HCRTR2: variants seen among roughly 807,000 people sequenced by gnomAD.
HCRTR2 encodes the protein orexin receptor type 2.
Under a neutral mutation model 49.0 loss-of-function variants are expected in HCRTR2, and 22 were observed. That is an observed-to-expected ratio of 0.45 (90% CI 0.32 to 0.64). The LOEUF (loss-of-function observed/expected upper bound fraction) is 0.64, where lower values mean the gene tolerates loss of function less well. Ranked by LOEUF, HCRTR2 falls within the 30% of genes least tolerant of loss-of-function variation. HCRTR2 has a pLI of 0.04. For missense variants in HCRTR2, 491 were observed against 559.4 expected, an observed-to-expected ratio of 0.88 and a Z score of 1.23; for synonymous variants, 236 against 205.3, an observed-to-expected ratio of 1.15 and a Z score of -1.28.
Position 55,139,754 on chromosome 6 carries a change from A to G in HCRTR2, c.-378+33209A>G, listed in dbSNP as rs900886578. ...TTGATTTGATTTTCAGTTAAAAAAA[A>G]CCCTGTTTTCTCTAGATTGGTCAAA... On this transcript the variant is annotated intron_variant, in intron 1 of 7. Coordinates refer to the HCRTR2 transcript ENST00000615358. Among the ~76,000 whole-genome samples, 4 of 152,134 alleles carry G rather than the reference A, an allele frequency of 2.6e-5. No homozygotes were observed. The East Asian group carries it at 7.7e-4, about 29-fold the overall frequency.
chr6:55,189,929 T>C (rs1175359967), intron 1 of HCRTR2, among the ~76,000 whole-genome samples: 1 of 151,918 alleles, frequency 6.6e-6, no homozygotes, highest in Admixed American at 6.6e-5. Flanking sequence ...ATACGTGGAG[T>C]TTGAATTGCT....
chr6:55,151,684 T>C (rs185218734), intron 1 of HCRTR2, among the ~76,000 whole-genome samples: 1 of 152,018 alleles, frequency 6.6e-6, no homozygotes, highest in Admixed American at 6.6e-5. Context: ...ATGTTCTTAA[T>C]GGCACCTAGA....
Position 55,282,354 on chromosome 6 carries a change from G to A in HCRTR2, c.1235G>A (p.Ser412Asn), listed in dbSNP as rs1311161993. Reference protein sequence around the residue: ...ESRKSLTTQISNFDNISKLSE... With the variant: ...ESRKSLTTQINNFDNISKLSE... ...CGGAAGTCCTTGACCACTCAAATCA[G>A]CAACTTTGATAACATATCAAAACTT... Residue 412 changes from serine to asparagine, a missense_variant, in exon 7 of 7, where the codon AGC (serine) becomes AAC (asparagine). Physicochemically the swap from Ser to Asn is conservative, Grantham distance 46. Transcript: ENST00000370862. 2 of 1,613,564 alleles carry A rather than the reference G, an allele frequency of 1.2e-6. No individual in the cohort carries two copies. Among genetic ancestry groups the A allele is most frequent in the Admixed American group, 1.7e-5 (1 of 59,916 alleles).
At chr6:55,265,987 G>C (rs1428949357) in intron 4 of HCRTR2, among the ~76,000 whole-genome samples, 1 of 151,938 alleles carries the variant, frequency 6.6e-6, no homozygotes, top group African/African-American at 2.4e-5. Flanking sequence ...ACTAGAGACA[G>C]AAACTAAAAA....
intron 1 of HCRTR2, among the ~76,000 whole-genome samples, chr6:55,113,299 A>G (rs1764075205): frequency 6.6e-6 from 1 of 152,124 alleles, no homozygotes; most frequent in African/African-American, 2.4e-5. Flanking sequence ...TAAACTAAAA[A>G]GCTATTACAC....
rs76263656 is a variant in HCRTR2 at position 55,139,682 on chromosome 6, C to G, written c.-378+33137C>G. Among the ~76,000 whole-genome samples the G allele has an allele frequency of 1.9e-4, 29 of 152,216 alleles. No individual in the cohort carries two copies. In the East Asian group the frequency reaches 3.9e-3, roughly 20 times the overall value. On this transcript the variant is annotated intron_variant, in intron 1 of 7. Transcript: ENST00000615358. ...ACCGGGTAAACCATAAACTTCAAAG[C>G]ATGATGCTTTATAAATGTTGGGCAT...
intron 6 of HCRTR2, 88 bp from the exon 7 acceptor site, chr6:55,282,137 C>A: frequency 2.1e-6 from 2 of 931,406 alleles, no homozygotes; most frequent in Non-Finnish European, 3.4e-6. Context: ...TAGTTTGGCT[C>A]AAGGGAGCAA....
chr6:55,115,045 C>G (rs1764097024), intron 1 of HCRTR2, among the ~76,000 whole-genome samples: 3 of 151,904 alleles, frequency 2.0e-5, no homozygotes, highest in Non-Finnish European at 4.4e-5. Context: ...TGACAGAGAA[C>G]AGAGCTGTGG....
chr6:55,188,088 G>T (rs1357639180), intron 1 of HCRTR2, among the ~76,000 whole-genome samples: 1 of 151,994 alleles, frequency 6.6e-6, no homozygotes, highest in Non-Finnish European at 1.5e-5. Flanking sequence ...GGCCATAAAT[G>T]CAGTCTTGTG....
chr6:55,141,353 A>AAAAAAG (rs1192265684), intron 1 of HCRTR2, among the ~76,000 whole-genome samples: 10 of 152,074 alleles, frequency 6.6e-5, no homozygotes, highest in African/African-American at 1.7e-4. Flanking sequence ...CAAAAGAAGA[A>AAAAAAG]AAAAAGAAAA....
intron 1 of HCRTR2, among the ~76,000 whole-genome samples, chr6:55,128,923 T>A (rs992481951): frequency 6.6e-6 from 1 of 152,148 alleles, no homozygotes; most frequent in Non-Finnish European, 1.5e-5. Context: ...AAGTATTCCA[T>A]GCACCATGCT....
chr6:55,135,157 T>C (rs188045186), intron 1 of HCRTR2, among the ~76,000 whole-genome samples: 3 of 152,072 alleles, frequency 2.0e-5, no homozygotes, highest in African/African-American at 4.8e-5. Flanking sequence ...GTAAAAAATA[T>C]TTGTCCAAAT....
At chr6:55,229,703 G>A (rs1005899927) in intron 1 of HCRTR2, among the ~76,000 whole-genome samples, 3 of 152,178 alleles carry the variant, frequency 2.0e-5, no homozygotes, top group South Asian at 2.1e-4. Flanking sequence ...TGGAAACAGA[G>A]ACTAGAATGG....
intron 1 of HCRTR2, among the ~76,000 whole-genome samples, chr6:55,201,125 T>A (rs1358054324): frequency 6.6e-6 from 1 of 152,126 alleles, no homozygotes; most frequent in African/African-American, 2.4e-5. Context: ...AGGACAGACA[T>A]CTTTTTTTCC....
At position 55,263,768 on chromosome 6, in the gene HCRTR2, G is replaced by C. The variant is rs760982719; in HGVS notation, c.708G>C (p.Leu236=). 8 of 1,612,812 alleles carry C rather than the reference G, an allele frequency of 5.0e-6. No homozygotes were observed. The highest frequency in any genetic ancestry group is 2.2e-5 in the South Asian group (2 of 91,026). Residue 236 remains leucine, a synonymous_variant, in exon 4 of 7, where the codon CTG becomes CTC. Coordinates refer to ENST00000370862, the MANE Select transcript of HCRTR2 (RefSeq NM_001384272.1). ...TTCTGGTGACATACATGGCACCACT[G>C]TGTCTCATGGTGTTGGCTTATCTGC... The part of the protein sequence containing the change: ...CFFLVTYMAP[L]CLMVLAYLQI...
chr6:55,250,549 G>A (rs1766529142), intron 2 of HCRTR2, among the ~76,000 whole-genome samples: 1 of 152,068 alleles, frequency 6.6e-6, no homozygotes, highest in South Asian at 2.1e-4. Flanking sequence ...AAGATTCCCT[G>A]GTGGGAAGTG....
intron 4 of HCRTR2, among the ~76,000 whole-genome samples, chr6:55,267,380 A>G (rs941043740): frequency 5.4e-5 from 8 of 149,316 alleles, no homozygotes; most frequent in Admixed American, 1.3e-4. Flanking sequence ...ATTGCTGTGA[A>G]CTACTTAAAT....
At chr6:55,119,214 T>C (rs1764161483) in intron 1 of HCRTR2, among the ~76,000 whole-genome samples, 1 of 152,114 alleles carries the variant, frequency 6.6e-6, no homozygotes, top group Admixed American at 6.6e-5. Context: ...TGGTTCCAAG[T>C]CTTGGCTATT....
chr6:55,148,591 G>A (rs1234793125), intron 1 of HCRTR2, among the ~76,000 whole-genome samples: 1 of 152,130 alleles, frequency 6.6e-6, no homozygotes, highest in African/African-American at 2.4e-5. Flanking sequence ...GAAAGCTGCT[G>A]AGGAAACTCT....
Sources: gnomAD v4.1 joint callset for allele counts (sites outside exome capture counted in the v4.1 genomes callset) on GRCh38, gnomAD v4.1.1 for gene constraint, MANE v1.5 for transcripts, NCBI Gene and HGNC (gene_info 2026-07-23, HGNC 2026-07-21) for gene names.